The following CFHR5 variants were observed in gnomAD, a reference collection of about 807,000 sequenced individuals.
The protein encoded by CFHR5 is complement factor H-related protein 5.
In CFHR5, 73 loss-of-function variants were observed where a neutral mutation model predicts 62.9. The ratio of observed to expected loss-of-function variants is 1.16; its 90% CI spans 0.96 to 1.41. CFHR5 has a LOEUF of 1.41. Ranked by LOEUF, CFHR5 falls within the 40% of genes most tolerant of loss-of-function variation. CFHR5 has a pLI of 0.00. For missense variants in CFHR5, 779 were observed against 679.9 expected (o/e 1.15, Z -1.62); for synonymous variants, 249 against 227.2 (o/e 1.10, Z -0.86).
chr1:197,001,726 C>G (rs1010819480), intron 7 of CFHR5, among the ~76,000 whole-genome samples: 4 of 136,360 alleles, frequency 2.9e-5, no homozygotes, highest in Non-Finnish European at 6.3e-5. Context: ...CAACAGCCCC[C>G]GGTGTGTGAT....
Position 196,993,984 on chromosome 1 carries a change from G to A in CFHR5, c.431-96G>A, listed in dbSNP as rs1653918237. The A allele has an allele frequency of 1.2e-5, 11 of 900,492 alleles. No individual in the cohort carries two copies. The Admixed American group carries it at 1.3e-4, about 11-fold the overall frequency. The allele number at this position is 900,492 out of a possible 1,614,324, so 55.8% of individuals were successfully genotyped here. ...AAGGCAAGAATATATTTTATACTCT[G>A]TATATGAAGCCCCTTGCATCTTATT... On this transcript the variant is annotated intron_variant, in intron 3 of 9. Coordinates refer to ENST00000256785, the MANE Select transcript of CFHR5 (RefSeq NM_030787.4).
At chr1:196,990,224 T>C (rs899158733) in intron 3 of CFHR5, among the ~76,000 whole-genome samples, 12 of 152,004 alleles carry the variant, frequency 7.9e-5, no homozygotes, top group African/African-American at 2.9e-4. Flanking sequence ...ATTTGCTTGG[T>C]AGATATTCCT....
chr1:196,997,044 G>T (rs1432875910), intron 6 of CFHR5, among the ~76,000 whole-genome samples: 1 of 151,892 alleles, frequency 6.6e-6, no homozygotes, highest in East Asian at 1.9e-4. Flanking sequence ...ATACATTAAA[G>T]CCTCTAATTT....
intron 3 of CFHR5, among the ~76,000 whole-genome samples, chr1:196,991,814 G>A (rs2125032080): frequency 6.6e-6 from 1 of 152,270 alleles, no homozygotes; most frequent in African/African-American, 2.4e-5. Context: ...CCTACTGGGA[G>A]GTGTCTCCCA....
intron 2 of CFHR5, 76 bp downstream of exon 2, chr1:196,983,155 T>A (rs1318837350): frequency 1.9e-6 from 3 of 1,592,672 alleles, no homozygotes; most frequent in Non-Finnish European, 2.6e-6. Flanking sequence ...GATCATAAGG[T>A]CTTGATAATC....
chr1:196,987,239 T>C (rs1302756509), intron 3 of CFHR5, among the ~76,000 whole-genome samples: 2 of 152,226 alleles, frequency 1.3e-5, no homozygotes, highest in South Asian at 2.1e-4. Context: ...TTGTTTAAGT[T>C]CTTTGTAGAT....
chr1:196,982,019 CTT>C (rs756935900), intron 1 of CFHR5, among the ~76,000 whole-genome samples: 13 of 151,730 alleles, frequency 8.6e-5, no homozygotes, highest in Non-Finnish European at 1.6e-4. Context: ...TTCTTATACT[CTT>C]TAAATTATTT....
Position 196,994,149 on chromosome 1 carries a change from T to C in CFHR5, c.500T>C (p.Val167Ala), listed in dbSNP as rs1386565824. The change falls in exon 4 of 10, where the codon GTT becomes GCT. Residue 167 changes from valine to alanine, a missense_variant. Physicochemically the swap from Val to Ala is moderately conservative, Grantham distance 64. Transcript: ENST00000256785. Reference sequence around the variant, plus strand: ...CAGCCAAAAAAAGAAAGCTACAAAGTTGGAGACGTGTTGAAATTCTCCTGC... The same window carrying C: ...CAGCCAAAAAAAGAAAGCTACAAAGCTGGAGACGTGTTGAAATTCTCCTGC... Reference protein sequence around the residue: ...DAQPKKESYKVGDVLKFSCRK... With the variant: ...DAQPKKESYKAGDVLKFSCRK... The C allele has an allele frequency of 9.9e-6, 16 of 1,613,546 alleles. No individual in the cohort carries two copies. The highest frequency in any genetic ancestry group is 1.4e-5 in the Non-Finnish European group (16 of 1,179,654).
At chr1:197,002,753 C>A in intron 8 of CFHR5, 89 bp downstream of exon 8, 1 of 1,096,354 alleles carries the variant, frequency 9.1e-7, no homozygotes, top group Non-Finnish European at 1.4e-6. Flanking sequence ...GAACTTATGA[C>A]TAATCTGTTG....
At chr1:197,005,624 T>C (rs1404064495) in intron 9 of CFHR5, among the ~76,000 whole-genome samples, 1 of 152,162 alleles carries the variant, frequency 6.6e-6, no homozygotes, top group Non-Finnish European at 1.5e-5. Flanking sequence ...AACGTCAGTT[T>C]ACTCTATAAT....
At chr1:196,990,992 T>G (rs1653832491) in intron 3 of CFHR5, among the ~76,000 whole-genome samples, 1 of 152,142 alleles carries the variant, frequency 6.6e-6, no homozygotes, top group Non-Finnish European at 1.5e-5. Flanking sequence ...GCCCTCACTT[T>G]CAGGTACAGC....
intron 3 of CFHR5, among the ~76,000 whole-genome samples, chr1:196,993,525 G>C (rs1653904063): frequency 6.6e-6 from 1 of 152,106 alleles, no homozygotes; most frequent in African/African-American, 2.4e-5. Context: ...TTGAACTCCT[G>C]ACCTCAGGTG....
intron 7 of CFHR5, among the ~76,000 whole-genome samples, chr1:197,001,177 G>C (rs1382676304): frequency 1.3e-5 from 2 of 152,072 alleles, no homozygotes; most frequent in Admixed American, 6.6e-5. Flanking sequence ...AAATAAGTAG[G>C]ACGAGTCATA....
At chr1:196,999,455 C>T (rs1198382946) in intron 7 of CFHR5, among the ~76,000 whole-genome samples, 2 of 151,258 alleles carry the variant, frequency 1.3e-5, no homozygotes, top group African/African-American at 4.9e-5. Context: ...CTTTTTGTAA[C>T]CACAAACAAA....
intron 3 of CFHR5, among the ~76,000 whole-genome samples, chr1:196,991,910 G>T (rs1405484486): frequency 1.3e-5 from 2 of 152,272 alleles, no homozygotes; most frequent in East Asian, 3.9e-4. Context: ...GAGAACCACT[G>T]CTCTCTTCAG....
intron 5 of CFHR5, 32 bp from the exon 6 acceptor site, chr1:196,995,990 G>C (rs752921511): frequency 7.5e-6 from 12 of 1,607,602 alleles, no homozygotes; most frequent in Non-Finnish European, 1.0e-5. Context: ...AATATTTTCA[G>C]AGTAAGCACT....
upstream of CFHR5, among the ~76,000 whole-genome samples, chr1:196,976,920 T>A (rs146690273): frequency 4.7e-5 from 7 of 148,440 alleles, no homozygotes; most frequent in Middle Eastern, 3.4e-3. Context: ...TTCTCCTGCC[T>A]CAGCCTCCCG....
At chr1:196,999,056 A>G (rs2125036911) in intron 7 of CFHR5, among the ~76,000 whole-genome samples, 1 of 152,082 alleles carries the variant, frequency 6.6e-6, no homozygotes, top group South Asian at 2.1e-4. Context: ...TTGCAACCAC[A>G]GGAAGGATAG....
intron 3 of CFHR5, among the ~76,000 whole-genome samples, chr1:196,987,832 G>A (rs1363557546): frequency 5.3e-5 from 8 of 152,116 alleles, no homozygotes; most frequent in Admixed American, 2.0e-4. Context: ...TTTTTGCTTA[G>A]GATTGTCTTG....
Sources: allele counts gnomAD v4.1 joint callset (sites outside exome capture counted in the v4.1 genomes callset), GRCh38; gene constraint gnomAD v4.1.1; transcripts MANE v1.5; gene names NCBI Gene and HGNC (gene_info 2026-07-23, HGNC 2026-07-21).